Variants in ASH2L observed in about 807,000 individuals in gnomAD.
The protein encoded by ASH2L is set1/Ash2 histone methyltransferase complex subunit ASH2.
ASH2L carries 30 observed loss-of-function variants against 81.1 expected under a neutral mutation model. The ratio of observed to expected loss-of-function variants is 0.37; its 90% CI spans 0.28 to 0.50. ASH2L has a LOEUF of 0.50. ASH2L is among the 20% of genes least tolerant of loss of function. The probability of loss-of-function intolerance (pLI) is 0.95; values close to 1 mark genes in which losing one functional copy is unlikely to be tolerated. For synonymous variants in ASH2L, 273 were observed against 279.9 expected (o/e 0.98, Z 0.24); for missense variants, 559 against 792.1 (o/e 0.71, Z 3.53).
intron 12 of ASH2L, among the ~76,000 whole-genome samples, chr8:38,130,826 C>T (rs148921783): frequency 1.3e-5 from 2 of 151,540 alleles, no homozygotes; most frequent in Admixed American, 6.6e-5. Context: ...CTTGAACTCC[C>T]GCCTCGGCCT....
chr8:38,123,788 C>T (rs1392302201), intron 10 of ASH2L, among the ~76,000 whole-genome samples: 1 of 152,172 alleles, frequency 6.6e-6, no homozygotes, highest in Non-Finnish European at 1.5e-5. Context: ...TGCTGTATTT[C>T]TTCACAAATG....
At chr8:38,136,201 C>T (rs1465675331) in intron 14 of ASH2L, among the ~76,000 whole-genome samples, 1 of 149,788 alleles carries the variant, frequency 6.7e-6, no homozygotes, top group African/African-American at 2.5e-5. Context: ...ATCCTCCCAC[C>T]TCAGCCTCCT....
chr8:38,128,606 A>T (rs748825898), intron 11 of ASH2L, 148 bp downstream of exon 11: 78 of 1,452,828 alleles, frequency 5.4e-5, no homozygotes, highest in Non-Finnish European at 7.1e-5. Context: ...TATTCCCGGG[A>T]TATTTTTGTA....
chr8:38,118,838 T>G (rs1811016336), intron 8 of ASH2L, among the ~76,000 whole-genome samples: 1 of 152,226 alleles, frequency 6.6e-6, no homozygotes, highest in African/African-American at 2.4e-5. Flanking sequence ...GAACATCGAC[T>G]TACAGTGAGG....
In ASH2L at chr8:38,106,461, G is replaced by C; in HGVS notation, c.255+17G>C. ...GATACACTAGTAAGTATTTTTAGTT[G>C]TTTGCAAGACAAAATAGGGTTTGTT... On this transcript the variant is annotated intron_variant, in intron 2 of 15. Coordinates refer to ENST00000343823, the MANE Select transcript of ASH2L (RefSeq NM_004674.5). 6.3e-7 allele frequency: 1 copy of C among 1,577,588 alleles called. No individual in the cohort carries two copies. Among genetic ancestry groups the C allele is most frequent in the South Asian group, 1.1e-5 (1 of 89,618 alleles).
In ASH2L at chr8:38,116,675, A is replaced by G. The variant is rs1164583669; in HGVS notation, c.803A>G (p.Tyr268Cys). ...DQDLSNIGPA[Y>C]DNQKQSSAVS... The stretch of plus-strand genomic sequence containing the variant: ...GACCTTAGTAACATTGGTCCTGCTT[A>G]TGACAACCAAAAACAGAGCAGTGCT... Residue 268 changes from tyrosine to cysteine, a missense_variant, in exon 8 of 16, where the codon TAT becomes TGT. This residue lies in a region of ASH2L where 318 missense variants were observed against 527.0 expected (regional missense o/e 0.60). Coordinates refer to ENST00000343823, the MANE Select transcript of ASH2L (RefSeq NM_004674.5). The G allele has an allele frequency of 4.3e-6, 7 of 1,613,242 alleles. No homozygotes were observed. The highest frequency in any genetic ancestry group is 5.9e-6 in the Non-Finnish European group (7 of 1,179,866).
intron 8 of ASH2L, among the ~76,000 whole-genome samples, chr8:38,117,255 T>C (rs766209068): frequency 1.6e-4 from 24 of 152,236 alleles, no homozygotes; most frequent in Non-Finnish European, 1.2e-4. Flanking sequence ...CTGAGAGATA[T>C]TTAGCTGTTC....
chr8:38,126,203 CAA>C (rs766575804), intron 10 of ASH2L, among the ~76,000 whole-genome samples: 3 of 128,208 alleles, frequency 2.3e-5, no homozygotes, highest in Admixed American at 7.9e-5. Flanking sequence ...ACTCTATCTC[CAA>C]AAAAAAAAAA....
In ASH2L at chr8:38,121,101, T is replaced by A; in HGVS notation, c.1117T>A (p.Tyr373Asn). The change falls in exon 10 of 16, where the codon TAC becomes AAC. Residue 373 changes from tyrosine to asparagine, a missense_variant. By Grantham distance (143) the Tyr-to-Asn change is moderately radical. Around this residue, in one of 4 missense-constraint regions of ASH2L, gnomAD observed 318 missense variants for 527.0 expected, o/e 0.60. Transcript: ENST00000343823. ...AGGAAAACCTATTCCTGGAGACCTC[T>A]ACAGAGCCTGCTTGTATGAACGGGT... The part of the protein sequence containing the change: ...WAGKPIPGDL[Y>N]RACLYERVLL... The A allele has an allele frequency of 6.2e-7, 1 of 1,613,686 alleles. No homozygotes were observed. The highest frequency in any genetic ancestry group is 8.5e-7 in the Non-Finnish European group (1 of 1,179,918).
chr8:38,129,073 G>A, intron 12 of ASH2L, 122 bp downstream of exon 12: 2 of 1,391,978 alleles, frequency 1.4e-6, no homozygotes, highest in Non-Finnish European at 1.9e-6. Context: ...CTAACCTGTT[G>A]CTATGACATT....
At chr8:38,126,840 C>G (rs528227685) in intron 10 of ASH2L, among the ~76,000 whole-genome samples, 6 of 129,722 alleles carry the variant, frequency 4.6e-5, no homozygotes, top group African/African-American at 1.8e-4. Flanking sequence ...GGCAAAAGAG[C>G]GAGACTCTGT....
intron 10 of ASH2L, chr8:38,122,549 C>T (rs889402660): frequency 3.3e-5 from 5 of 151,876 alleles, no homozygotes; most frequent in African/African-American, 9.7e-5. Context: ...TGTTACTAGG[C>T]GTCATTGCTT....
intron 14 of ASH2L, 154 bp from the exon 15 acceptor site, chr8:38,138,662 C>T: frequency 5.1e-6 from 3 of 593,154 alleles, no homozygotes; most frequent in Non-Finnish European, 5.9e-6. Flanking sequence ...GGATGTTGAC[C>T]ACTTTTAGTA....
rs1349264226 is a variant in ASH2L, at chr8:38,128,461, A to G, written c.1333+3A>G. ...ACTGGGTTGGTCCCAGCCCCTAGGT[A>G]AGCTGGGGCCTTAATATGGACATCA... On this transcript the variant is annotated splice_donor_region_variant and intron_variant, in intron 11 of 15. Coordinates refer to ENST00000343823, the MANE Select transcript of ASH2L (RefSeq NM_004674.5). The G allele has an allele frequency of 6.2e-7, 1 of 1,613,390 alleles. No individual in the cohort carries two copies. Among genetic ancestry groups the G allele is most frequent in the Non-Finnish European group, 8.5e-7 (1 of 1,179,772 alleles).
chr8:38,129,604 TACC>T (rs1232105529), intron 12 of ASH2L, among the ~76,000 whole-genome samples: 2 of 152,156 alleles, frequency 1.3e-5, no homozygotes, highest in African/African-American at 4.8e-5. Flanking sequence ...TGTGGACACT[TACC>T]ATCACCTCAG....
chr8:38,118,091 T>C (rs919933077), intron 8 of ASH2L, among the ~76,000 whole-genome samples: 3 of 152,216 alleles, frequency 2.0e-5, no homozygotes, highest in African/African-American at 4.8e-5. Context: ...TTTTTGATTA[T>C]GGTTACTTAA....
intron 9 of ASH2L, 111 bp from the exon 10 acceptor site, chr8:38,120,821 G>A (rs1585584370): frequency 1.2e-6 from 1 of 823,250 alleles, no homozygotes; most frequent in East Asian, 2.5e-5. Context: ...TATTTGCTGT[G>A]AAGTTGCATG....
chr8:38,133,807 C>T (rs1450304050), intron 13 of ASH2L, among the ~76,000 whole-genome samples: 7 of 152,178 alleles, frequency 4.6e-5, no homozygotes, highest in Non-Finnish European at 8.8e-5. Flanking sequence ...GCCTGCACCA[C>T]CCCATCTGGG....
chr8:38,120,080 G>A (rs1236448546), intron 9 of ASH2L, among the ~76,000 whole-genome samples: 2 of 152,154 alleles, frequency 1.3e-5, no homozygotes, highest in Admixed American at 6.5e-5. Flanking sequence ...AGCTGAGATC[G>A]CGCTATCGCA....
Sources: gnomAD v4.1 joint callset for allele counts (sites outside exome capture counted in the v4.1 genomes callset) on GRCh38, gnomAD v4.1.1 for gene constraint, gnomAD v4.1.1 regional missense constraint, MANE v1.5 for transcripts, NCBI Gene and HGNC (gene_info 2026-07-23, HGNC 2026-07-21) for gene names.